The following NRXN3 variants were observed in gnomAD, a reference collection of about 807,000 sequenced individuals.
NRXN3 encodes the protein neurexin III.
In NRXN3, 32 loss-of-function variants were observed where a neutral mutation model predicts 137.6. That is an observed-to-expected ratio of 0.23 (90% CI 0.18 to 0.31). The LOEUF is 0.31. Ranked by LOEUF, NRXN3 falls within the 10% of genes least tolerant of loss-of-function variation. NRXN3 has a pLI of 1.00. For missense variants in NRXN3, 1,574 were observed against 2,062.5 expected (o/e 0.76, Z 4.59); for synonymous variants, 798 against 784.5 (o/e 1.02, Z -0.29).
At chr14:79,015,222 G>T (rs2099577325) in intron 15 of NRXN3, among the ~76,000 whole-genome samples, 1 of 139,292 alleles carries the variant, frequency 7.2e-6, no homozygotes, top group African/African-American at 3.4e-5. Flanking sequence ...GCAGTGTTTG[G>T]TGGGGGGTTT....
chr14:78,640,661 C>T (rs1302232804), intron 4 of NRXN3, among the ~76,000 whole-genome samples: 1 of 152,126 alleles, frequency 6.6e-6, no homozygotes, highest in African/African-American at 2.4e-5. Flanking sequence ...TTGAATTAAT[C>T]AGCCATTTGA....
chr14:79,257,583 GTAA>G (rs1448106123), intron 15 of NRXN3, among the ~76,000 whole-genome samples: 9 of 67,190 alleles, frequency 1.3e-4, no homozygotes, highest in East Asian at 9.3e-4. Flanking sequence ...GGTGGTGATG[GTAA>G]TGATGGTGGT....
intron 16 of NRXN3, among the ~76,000 whole-genome samples, chr14:79,484,793 A>T (rs764399774): frequency 2.0e-5 from 3 of 152,208 alleles, no homozygotes; most frequent in Non-Finnish European, 2.9e-5. Context: ...TGACTTTTAC[A>T]TTAGTATCTT....
intron 8 of NRXN3, among the ~76,000 whole-genome samples, chr14:78,722,017 T>C (rs1373703494): frequency 1.3e-5 from 2 of 152,010 alleles, no homozygotes; most frequent in African/African-American, 4.8e-5. Context: ...AGCTTTTCCA[T>C]AGTACATGAA....
chr14:79,357,492 A>G (rs535917321), intron 15 of NRXN3, among the ~76,000 whole-genome samples: 1 of 152,268 alleles, frequency 6.6e-6, no homozygotes, highest in East Asian at 1.9e-4. Flanking sequence ...TAAGCACTGA[A>G]AGTTTCACTT....
At chr14:79,664,754 TA>T (rs2098549986) in intron 17 of NRXN3, among the ~76,000 whole-genome samples, 1 of 152,068 alleles carries the variant, frequency 6.6e-6, no homozygotes, top group Admixed American at 6.6e-5. Flanking sequence ...ATGCTGATCG[TA>T]AAAGTGCCAG....
At chr14:78,213,043 G>A (rs1410629384) in intron 1 of NRXN3, among the ~76,000 whole-genome samples, 1 of 152,186 alleles carries the variant, frequency 6.6e-6, no homozygotes, top group East Asian at 1.9e-4. Context: ...ACTGTTCTGA[G>A]GAGCTCCCTG....
At chr14:79,108,083 C>T (rs192637762) in intron 15 of NRXN3, among the ~76,000 whole-genome samples, 7 of 152,126 alleles carry the variant, frequency 4.6e-5, no homozygotes, top group Admixed American at 6.6e-5. Flanking sequence ...GTAGTAGCTA[C>T]GTGTCACTGT....
intron 19 of NRXN3, among the ~76,000 whole-genome samples, chr14:79,767,872 C>T (rs1294355874): frequency 1.3e-5 from 2 of 152,146 alleles, no homozygotes; most frequent in African/African-American, 4.8e-5. Context: ...GAGTTCATCT[C>T]ACTAGGGAGT....
chr14:79,154,189 A>G (rs748149417), intron 15 of NRXN3, among the ~76,000 whole-genome samples: 6 of 151,980 alleles, frequency 3.9e-5, no homozygotes, highest in Admixed American at 2.6e-4. Context: ...TTAGCTTGCA[A>G]TGTGAATGGC....
chr14:78,802,502 G>A (rs375038219), intron 8 of NRXN3, among the ~76,000 whole-genome samples: 2 of 152,170 alleles, frequency 1.3e-5, no homozygotes, highest in South Asian at 2.1e-4. Context: ...CCTGCACGTT[G>A]TGCACATGTA....
At chr14:78,571,411 T>C (rs1399639076) in intron 4 of NRXN3, among the ~76,000 whole-genome samples, 1 of 152,190 alleles carries the variant, frequency 6.6e-6, no homozygotes, top group African/African-American at 2.4e-5. Flanking sequence ...TTTATGGTTT[T>C]GGGCGCAGCT....
At chr14:78,894,919 A>T (rs2099169150) in intron 10 of NRXN3, among the ~76,000 whole-genome samples, 1 of 151,032 alleles carries the variant, frequency 6.6e-6, no homozygotes, top group South Asian at 2.1e-4. Flanking sequence ...CCTTAGCAGT[A>T]GTTCTCAATA....
At chr14:79,768,496 C>G (rs1310687565) in intron 19 of NRXN3, among the ~76,000 whole-genome samples, 1 of 152,106 alleles carries the variant, frequency 6.6e-6, no homozygotes, top group African/African-American at 2.4e-5. Context: ...CTGGGAGGCA[C>G]CCCCCAGCAG....
chr14:79,109,435 T>A (rs1429526892), intron 15 of NRXN3, among the ~76,000 whole-genome samples: 2 of 152,056 alleles, frequency 1.3e-5, no homozygotes, highest in Non-Finnish European at 2.9e-5. Flanking sequence ...AAAGGAAAAA[T>A]TTTCAGCAAA....
intron 1 of NRXN3, among the ~76,000 whole-genome samples, chr14:78,176,967 T>C (rs1259148514): frequency 6.6e-6 from 1 of 151,930 alleles, no homozygotes. Flanking sequence ...TGAGTGGTGG[T>C]TAAGGTTGTC....
At position 78,866,459 on chromosome 14, in the gene NRXN3, A is replaced by G. The variant is rs546745525; in HGVS notation, c.2275+56115A>G. On this transcript the variant is annotated intron_variant, in intron 10 of 20. Transcript: ENST00000335750. ...AAATCTGGAAGCAGTGACACAAGCT[A>G]TCTTTAACCCACCAATGACAGGGCT... Among the ~76,000 whole-genome samples the G allele has an allele frequency of 6.6e-4, 101 of 152,326 alleles. 2 individuals are homozygous for G. In the South Asian group the frequency reaches 0.02, roughly 30 times the overall value.
chr14:79,708,019 A>G (rs904376315), intron 19 of NRXN3, among the ~76,000 whole-genome samples: 2 of 151,990 alleles, frequency 1.3e-5, no homozygotes, highest in Non-Finnish European at 2.9e-5. Flanking sequence ...TATTTTTTCT[A>G]TATCTCCCCT....
At chr14:78,203,259 C>T (rs185204463) in intron 1 of NRXN3, among the ~76,000 whole-genome samples, 3 of 152,302 alleles carry the variant, frequency 2.0e-5, no homozygotes, top group Non-Finnish European at 4.4e-5. Flanking sequence ...TCACCCCCAA[C>T]CCCCATGTGA....
Sources: gnomAD v4.1 joint callset for allele counts (sites outside exome capture counted in the v4.1 genomes callset) on GRCh38, gnomAD v4.1.1 for gene constraint, MANE v1.5 for transcripts, NCBI Gene and HGNC (gene_info 2026-07-23, HGNC 2026-07-21) for gene names.